The following UPRT variants were observed in gnomAD, a reference collection of about 807,000 sequenced individuals.
UPRT encodes the protein RP11-311P8.3.
UPRT carries 5 observed loss-of-function variants against 22.6 expected under a neutral mutation model. That is an observed-to-expected ratio of 0.22 (90% CI 0.12 to 0.47). The LOEUF (loss-of-function observed/expected upper bound fraction) is 0.47. UPRT is among the 20% of genes least tolerant of loss of function. The pLI, the probability that UPRT is intolerant of heterozygous loss-of-function variation, is 0.99. For missense variants in UPRT, 181 were observed against 239.9 expected, an observed-to-expected ratio of 0.75 and a Z score of 1.62; for synonymous variants, 77 against 87.7, an observed-to-expected ratio of 0.88 and a Z score of 0.68.
intron 4 of UPRT, among the ~76,000 whole-genome samples, chrX:75,188,468 G>T: frequency 8.9e-6 from 1 of 112,682 alleles, no homozygotes; most frequent in Middle Eastern, 4.6e-3. Context: ...GGTTACTGCT[G>T]TCTTTGTGTT....
chrX:75,261,598 G>T (rs951073315), intron 4 of UPRT, among the ~76,000 whole-genome samples: 1 of 111,920 alleles, frequency 8.9e-6, no homozygotes, highest in African/African-American at 3.3e-5. Flanking sequence ...GAGGTACAAA[G>T]AGGAGCTGGT....
rs1328582986 is a variant in UPRT, at chrX:75,294,837, G to C, written c.429+1323G>C. On this transcript the variant is annotated intron_variant, in intron 2 of 6. Transcript: ENST00000373383. ...TTTTGGTGTTTACTGGTAGAAAACG[G>C]TTCCTCTTTCTTTTGCTGTTCTTAT... 1.8e-4 allele frequency among the ~76,000 whole-genome samples: 20 copies of C among 111,901 alleles called. No homozygotes were observed. The East Asian group carries it at 5.6e-3, about 32-fold the overall frequency.
chrX:75,237,851 T>C (rs1476554993), intron 4 of UPRT, among the ~76,000 whole-genome samples: 1 of 104,604 alleles, frequency 9.6e-6, no homozygotes, highest in Non-Finnish European at 2.0e-5. Context: ...TAATGCTAGA[T>C]GACGAGTTAG....
chrX:75,243,714 T>C (rs2082495315), intron 4 of UPRT, among the ~76,000 whole-genome samples: 1 of 111,793 alleles, frequency 8.9e-6, no homozygotes, highest in African/African-American at 3.2e-5. Context: ...AATTGTACTA[T>C]TCTAATTCAT....
intron 4 of UPRT, among the ~76,000 whole-genome samples, chrX:75,225,365 A>ACACACACACC (rs756828193): frequency 9.4e-6 from 1 of 106,515 alleles, no homozygotes; most frequent in East Asian, 2.9e-4. Context: ...ACACACACAC[A>ACACACACACC]CCCTAGGTGG....
Position 75,304,771 on chromosome X carries a change from TTA to T in UPRT, c.*1264_*1265del, listed in dbSNP as rs1249271499. Among the ~76,000 whole-genome samples the T allele has an allele frequency of 9.1e-6, 1 of 109,576 alleles. No homozygotes were observed. The highest frequency in any genetic ancestry group is 1.9e-5 in the Non-Finnish European group (1 of 52,231). On this transcript the variant is annotated 3_prime_UTR_variant, in exon 7 of 7. Transcript: ENST00000373383. The stretch of plus-strand genomic sequence containing the variant: ...GGAAGGAAGCCTGGTGTAGATTGGA[TTA>T]TATTTTTCCTTTGGGGACTAGAATA...
At chrX:75,290,577 A>G (rs907124552) in intron 1 of UPRT, among the ~76,000 whole-genome samples, 1 of 112,032 alleles carries the variant, frequency 8.9e-6, no homozygotes, top group African/African-American at 3.2e-5. Flanking sequence ...TGGATAAAGA[A>G]AGTGTGGTAA....
chrX:75,167,106 T>C (rs2082215249), intron 3 of UPRT, among the ~76,000 whole-genome samples: 1 of 112,075 alleles, frequency 8.9e-6, no homozygotes, highest in African/African-American at 3.2e-5. Context: ...TACTTGATAT[T>C]GTACATCCTT....
At chrX:75,275,408 T>G (rs2082627393) in intron 1 of UPRT, among the ~76,000 whole-genome samples, 1 of 111,801 alleles carries the variant, frequency 8.9e-6, no homozygotes, top group Admixed American at 9.5e-5. Flanking sequence ...TGGCAGCACT[T>G]TAAATGAGCA....
intron 4 of UPRT, among the ~76,000 whole-genome samples, chrX:75,202,228 G>A (rs1443343222): frequency 2.7e-5 from 3 of 111,084 alleles, no homozygotes; most frequent in African/African-American, 9.8e-5. Flanking sequence ...AATTATAGAA[G>A]GGAAGGGAGG....
intron 4 of UPRT, among the ~76,000 whole-genome samples, chrX:75,242,693 AGGTTT>A (rs2082492181): frequency 9.0e-6 from 1 of 111,093 alleles, no homozygotes; most frequent in Non-Finnish European, 1.9e-5. Flanking sequence ...GGTTGTTGGA[AGGTTT>A]AAGTGAGATA....
chrX:75,234,509 A>G (rs2082452437), intron 4 of UPRT, among the ~76,000 whole-genome samples: 2 of 111,660 alleles, frequency 1.8e-5, no homozygotes, highest in South Asian at 7.6e-4. Flanking sequence ...CACCACACCT[A>G]TTCCAAAATT....
At chrX:75,209,413 G>T (rs982887594) in intron 4 of UPRT, among the ~76,000 whole-genome samples, 1 of 110,703 alleles carries the variant, frequency 9.0e-6, no homozygotes, top group Non-Finnish European at 1.9e-5. Flanking sequence ...CGCTCTTGTC[G>T]CCCAGGCTGG....
intron 4 of UPRT, among the ~76,000 whole-genome samples, chrX:75,203,167 C>T (rs1327032707): frequency 9.0e-6 from 1 of 111,336 alleles, no homozygotes; most frequent in Non-Finnish European, 1.9e-5. Flanking sequence ...ACAAAACAGA[C>T]TTTAAACCAA....
chrX:75,279,236 A>G (rs188504073), intron 1 of UPRT, among the ~76,000 whole-genome samples: 38 of 111,932 alleles, frequency 3.4e-4, no homozygotes, highest in Non-Finnish European at 5.8e-4. Context: ...ACCTAGCATT[A>G]CATCAACACT....
intron 4 of UPRT, among the ~76,000 whole-genome samples, chrX:75,227,858 C>G (rs1229251705): frequency 1.8e-5 from 2 of 112,689 alleles, no homozygotes; most frequent in African/African-American, 3.2e-5. Context: ...TCTTGTCAGT[C>G]AGACTCCCTG....
In UPRT at chrX:75,250,067, A is replaced by G. The variant is rs191521456; in HGVS notation, c.-446-40957A>G. Among the ~76,000 whole-genome samples the G allele has an allele frequency of 4.4e-3, 493 of 112,253 alleles. 2 individuals are homozygous for G. Among genetic ancestry groups the G allele is most frequent in the African/African-American group, 0.015 (474 of 30,936 alleles). On this transcript the variant is annotated intron_variant, in intron 4 of 13. Transcript: ENST00000652605. ...CTGGGACACATTCAAAGCAGTGTGTAGAGGGAAATTTATAGCACTAAATGC... is the reference window on the plus strand; with the variant it reads ...CTGGGACACATTCAAAGCAGTGTGTGGAGGGAAATTTATAGCACTAAATGC...
chrX:75,229,911 AAGTGCAGATATG>A (rs1453893092), intron 4 of UPRT, among the ~76,000 whole-genome samples: 1 of 112,219 alleles, frequency 8.9e-6, no homozygotes, highest in East Asian at 2.8e-4. Flanking sequence ...GGTGAACAGG[AAGTGCAGATATG>A]AGTGCAGAAG....
At chrX:75,252,755 TG>T (rs1320882452) in intron 4 of UPRT, among the ~76,000 whole-genome samples, 1 of 112,134 alleles carries the variant, frequency 8.9e-6, no homozygotes, top group East Asian at 2.8e-4. Context: ...ATGTTTATTG[TG>T]GCACTATTCA....
Sources: allele counts gnomAD v4.1 joint callset (sites outside exome capture counted in the v4.1 genomes callset), GRCh38; gene constraint gnomAD v4.1.1; transcripts MANE v1.5; gene names NCBI Gene and HGNC (gene_info 2026-07-23, HGNC 2026-07-21).